Variants in TPST1 observed in about 807,000 individuals in gnomAD.
TPST1 encodes the protein protein-tyrosine sulfotransferase 1.
Under a neutral mutation model 34.8 loss-of-function variants are expected in TPST1, and 20 were observed. The ratio of observed to expected loss-of-function variants is 0.57; its 90% CI spans 0.40 to 0.84. The LOEUF (loss-of-function observed/expected upper bound fraction) is 0.84, where lower values mean the gene tolerates loss of function less well. Ranked by LOEUF, TPST1 falls within the 40% of genes least tolerant of loss-of-function variation. TPST1 has a pLI of 0.00. For missense variants in TPST1, 353 were observed against 455.5 expected (o/e 0.78, Z 2.05); for synonymous variants, 152 against 159.4 (o/e 0.95, Z 0.35).
At position 66,242,767 on chromosome 7, in the gene TPST1, G is replaced by A. The variant is rs193116003; in HGVS notation, c.845+1497G>A. 2.1e-3 allele frequency among the ~76,000 whole-genome samples: 323 copies of A among 152,252 alleles called. 1 individual carries two copies. The highest frequency in any genetic ancestry group is 7.6e-3 in the African/African-American group (316 of 41,540). On this transcript the variant is annotated intron_variant, in intron 2 of 5. Transcript: ENST00000304842. ...GTAGGGATTAAAGAGATATGCTTAAGTTAAATTTTGGTGCTAATCAGGAAG... is the reference window on the plus strand; with the variant it reads ...GTAGGGATTAAAGAGATATGCTTAAATTAAATTTTGGTGCTAATCAGGAAG...
chr7:66,252,503 G>A (rs1322718499), intron 2 of TPST1, among the ~76,000 whole-genome samples: 9 of 149,870 alleles, frequency 6.0e-5, no homozygotes, highest in South Asian at 2.1e-4. Flanking sequence ...CACCATGCCC[G>A]GCTAATTTTT....
upstream of TPST1, among the ~76,000 whole-genome samples, chr7:66,201,102 C>T (rs188749375): frequency 6.6e-6 from 1 of 152,140 alleles, no homozygotes; most frequent in East Asian, 1.9e-4. Flanking sequence ...AAAATAGAAA[C>T]GCAGAAAGAG....
chr7:66,252,202 C>T (rs1005566317), intron 2 of TPST1, among the ~76,000 whole-genome samples: 40 of 151,734 alleles, frequency 2.6e-4, no homozygotes, highest in African/African-American at 9.0e-4. Context: ...GGACTACAGG[C>T]GCCTGCCACC....
Position 66,256,319 on chromosome 7 carries a change from G to T in TPST1, c.845+15049G>T, listed in dbSNP as rs141335544. Among the ~76,000 whole-genome samples, 8 of 152,232 alleles carry T rather than the reference G, an allele frequency of 5.3e-5. No homozygotes were observed. In the East Asian group the frequency reaches 1.3e-3, roughly 26 times the overall value. On this transcript the variant is annotated intron_variant, in intron 2 of 5. Coordinates refer to ENST00000304842, the MANE Select transcript of TPST1 (RefSeq NM_003596.4). ...ATGGATATTGTATTCATTTTCCATT[G>T]CTGTGTAGTAAGTTACCCCAGAATT...
intron 1 of TPST1, among the ~76,000 whole-genome samples, chr7:66,218,234 G>A (rs1223200305): frequency 6.6e-6 from 1 of 152,094 alleles, no homozygotes; most frequent in Non-Finnish European, 1.5e-5. Context: ...CTGAGCCTAT[G>A]GATGTGATCC....
chr7:66,251,425 C>T (rs1315523001), intron 2 of TPST1, among the ~76,000 whole-genome samples: 1 of 152,120 alleles, frequency 6.6e-6, no homozygotes, highest in African/African-American at 2.4e-5. Context: ...CTGTTCCCCT[C>T]CCTCTCCCCA....
chr7:66,242,686 G>A (rs956741904), intron 2 of TPST1, among the ~76,000 whole-genome samples: 2 of 152,070 alleles, frequency 1.3e-5, no homozygotes, highest in East Asian at 1.9e-4. Flanking sequence ...GCCCGGCACC[G>A]ATGCCACCTA....
intron 3 of TPST1, among the ~76,000 whole-genome samples, chr7:66,310,509 C>T (rs185662055): frequency 3.3e-5 from 5 of 152,114 alleles, no homozygotes; most frequent in East Asian, 1.9e-4. Flanking sequence ...CAAATGGGGT[C>T]GTGTTCCTCA....
chr7:66,351,374 G>A (rs1014685307), intron 3 of TPST1, among the ~76,000 whole-genome samples: 5 of 151,954 alleles, frequency 3.3e-5, no homozygotes, highest in Admixed American at 1.3e-4. Flanking sequence ...CCACCTTGCC[G>A]TAAACCAGGC....
chr7:66,226,496 A>T (rs1474955782), intron 1 of TPST1, among the ~76,000 whole-genome samples: 1 of 152,162 alleles, frequency 6.6e-6, no homozygotes, highest in Non-Finnish European at 1.5e-5. Context: ...CAAAGAGAGA[A>T]AATTAGGCTT....
chr7:66,225,471 G>C (rs534069296), intron 1 of TPST1, among the ~76,000 whole-genome samples: 2 of 151,984 alleles, frequency 1.3e-5, no homozygotes, highest in Admixed American at 1.3e-4. Flanking sequence ...AATCAGCTGG[G>C]CGTGGCGGCA....
chr7:66,228,405 A>G (rs1317435908), intron 1 of TPST1, among the ~76,000 whole-genome samples: 1 of 152,226 alleles, frequency 6.6e-6, no homozygotes, highest in Admixed American at 6.5e-5. Context: ...CATGTATCAG[A>G]AGTTGGCAAG....
chr7:66,325,855 C>T (rs1312656585), intron 3 of TPST1, among the ~76,000 whole-genome samples: 2 of 152,102 alleles, frequency 1.3e-5, no homozygotes, highest in Non-Finnish European at 2.9e-5. Context: ...AGGCTGGTCT[C>T]GAACTCCTGA....
At chr7:66,221,912 A>G (rs544307215) in intron 1 of TPST1, among the ~76,000 whole-genome samples, 16 of 152,298 alleles carry the variant, frequency 1.1e-4, no homozygotes, top group Non-Finnish European at 2.2e-4. Flanking sequence ...TTTTGAGGCA[A>G]TGATTGAAAT....
chr7:66,235,971 T>A (rs2116377923), intron 1 of TPST1, among the ~76,000 whole-genome samples: 1 of 152,222 alleles, frequency 6.6e-6, no homozygotes, highest in South Asian at 2.1e-4. Flanking sequence ...TCTGTCTGAC[T>A]GAGACTGATA....
intron 3 of TPST1, among the ~76,000 whole-genome samples, chr7:66,340,165 A>G (rs956348233): frequency 6.6e-6 from 1 of 152,020 alleles, no homozygotes; most frequent in African/African-American, 2.4e-5. Flanking sequence ...GTGAAACCCC[A>G]TCTCTACTAA....
At chr7:66,293,453 A>G (rs1791128936) in intron 3 of TPST1, among the ~76,000 whole-genome samples, 1 of 152,184 alleles carries the variant, frequency 6.6e-6, no homozygotes, top group Non-Finnish European at 1.5e-5. Context: ...CAGTGAGCTG[A>G]GAGTATGCCA....
chr7:66,275,512 C>T (rs1210056966), intron 2 of TPST1, among the ~76,000 whole-genome samples: 2 of 152,172 alleles, frequency 1.3e-5, no homozygotes, highest in Non-Finnish European at 2.9e-5. Context: ...GAAAATGCGG[C>T]ATACATACAC....
At chr7:66,307,071 G>A (rs776839729) in intron 3 of TPST1, among the ~76,000 whole-genome samples, 11 of 151,688 alleles carry the variant, frequency 7.3e-5, no homozygotes, top group Non-Finnish European at 1.5e-4. Flanking sequence ...ATTAGAGGGA[G>A]GAACAACTTT....
Sources: allele counts gnomAD v4.1 joint callset (sites outside exome capture counted in the v4.1 genomes callset), GRCh38; gene constraint gnomAD v4.1.1; transcripts MANE v1.5; gene names NCBI Gene and HGNC (gene_info 2026-07-23, HGNC 2026-07-21).